The following MYO1E variants were observed in gnomAD, a reference collection of about 807,000 sequenced individuals.
MYO1E encodes unconventional myosin-Ie.
In MYO1E, 68 loss-of-function variants were observed where a neutral mutation model predicts 151.1. That is an observed-to-expected ratio of 0.45 (90% CI 0.37 to 0.55). The LOEUF (loss-of-function observed/expected upper bound fraction) is 0.55. MYO1E is among the 20% of genes least tolerant of loss of function. The probability of loss-of-function intolerance (pLI) is 0.00; values close to 1 mark genes in which losing one functional copy is unlikely to be tolerated. For synonymous variants in MYO1E, 601 were observed against 501.7 expected, an observed-to-expected ratio of 1.20 and a Z score of -2.64; for missense variants, 1,363 against 1,389.3, an observed-to-expected ratio of 0.98 and a Z score of 0.30.
At chr15:59,285,921 G>A (rs1043611875) in intron 1 of MYO1E, among the ~76,000 whole-genome samples, 1 of 152,188 alleles carries the variant, frequency 6.6e-6, no homozygotes, top group Non-Finnish European at 1.5e-5. Flanking sequence ...CTAATTTGTG[G>A]TTTGAAAATG....
intron 22 of MYO1E, among the ~76,000 whole-genome samples, chr15:59,170,987 C>G (rs2079589934): frequency 6.6e-6 from 1 of 152,142 alleles, no homozygotes; most frequent in African/African-American, 2.4e-5. Context: ...ATGCAAAGGC[C>G]CAAAGCTTTT....
chr15:59,287,376 A>G (rs1383967278), intron 1 of MYO1E, among the ~76,000 whole-genome samples: 2 of 152,222 alleles, frequency 1.3e-5, no homozygotes, highest in Non-Finnish European at 2.9e-5. Flanking sequence ...GGCTACCTGC[A>G]GTTGCTGCCA....
chr15:59,217,566 C>A (rs187318230), intron 10 of MYO1E, among the ~76,000 whole-genome samples: 3 of 112,594 alleles, frequency 2.7e-5, no homozygotes, highest in Non-Finnish European at 3.4e-5. Flanking sequence ...CACTCTAACC[C>A]CCAGGCTGGA....
chr15:59,255,368 C>G (rs115368678), intron 4 of MYO1E, among the ~76,000 whole-genome samples: 1,572 of 152,070 alleles, frequency 0.01, 33 homozygotes, highest in African/African-American at 0.036. Flanking sequence ...GTGAGCCACC[C>G]CAACTGGAGT....
At chr15:59,295,244 G>A (rs1289871560) in intron 1 of MYO1E, among the ~76,000 whole-genome samples, 1 of 152,058 alleles carries the variant, frequency 6.6e-6, no homozygotes, top group Non-Finnish European at 1.5e-5. Context: ...ACTGAATTGG[G>A]AGAGAGGAGG....
intron 1 of MYO1E, among the ~76,000 whole-genome samples, chr15:59,370,424 T>C (rs1183526309): frequency 6.6e-6 from 1 of 152,230 alleles, no homozygotes; most frequent in Non-Finnish European, 1.5e-5. Context: ...ATCCAGTAGA[T>C]CTATCAATGG....
At chr15:59,138,148 G>GACT (rs776859136) in intron 27 of MYO1E, 50 bp downstream of exon 27, 2 of 1,592,898 alleles carry the variant, frequency 1.3e-6, no homozygotes, top group Non-Finnish European at 1.7e-6. Context: ...ACAGCAATGT[G>GACT]ACTGCATGCT....
chr15:59,256,421 T>A, intron 3 of MYO1E, 43 bp from the exon 4 acceptor site: 1 of 1,207,246 alleles, frequency 8.3e-7, no homozygotes, highest in Admixed American at 2.4e-5. Flanking sequence ...ATAATAAAAA[T>A]TTAAAAATAA....
In MYO1E at chr15:59,159,327, C is replaced by T. The variant is rs147700667; in HGVS notation, c.2786-948G>A. Reference sequence around the variant, plus strand: ...ATTGGGCAATTTCCCCTCGGGGGCCCGCCGCACAAACATAGCCTGCTGGTT... The same window carrying T: ...ATTGGGCAATTTCCCCTCGGGGGCCTGCCGCACAAACATAGCCTGCTGGTT... On this transcript the variant is annotated intron_variant, in intron 24 of 27. Transcript: ENST00000288235. This position sits in a 1 kb window ranked among gnomAD's most constrained non-coding sequence, Gnocchi z 4.4. Among the ~76,000 whole-genome samples, 944 of 152,338 alleles carry T rather than the reference C, an allele frequency of 6.2e-3. 7 individuals carry two copies. The highest frequency in any genetic ancestry group is 9.6e-3 in the Non-Finnish European group (656 of 68,028).
At chr15:59,275,755 G>A (rs62002723) in intron 1 of MYO1E, among the ~76,000 whole-genome samples, 2,268 of 152,310 alleles carry the variant, frequency 0.015, 30 homozygotes, top group Non-Finnish European at 0.024. Context: ...TGAAAGCTGG[G>A]AAGCTTTAGC....
intron 2 of MYO1E, 95 bp downstream of exon 2, chr15:59,272,211 C>T (rs1433033571): frequency 4.3e-5 from 62 of 1,431,870 alleles, no homozygotes; most frequent in Non-Finnish European, 5.8e-5. Flanking sequence ...GCTGGGATTA[C>T]ACACGTGAGC....
intron 4 of MYO1E, among the ~76,000 whole-genome samples, chr15:59,252,194 G>A (rs529879459): frequency 1.3e-5 from 2 of 152,156 alleles, no homozygotes; most frequent in East Asian, 3.9e-4. Flanking sequence ...CCCTAGCTTT[G>A]TACTTTTAAA....
At chr15:59,250,182 C>T (rs914294495) in intron 4 of MYO1E, among the ~76,000 whole-genome samples, 14 of 152,164 alleles carry the variant, frequency 9.2e-5, no homozygotes, top group African/African-American at 3.4e-4. Context: ...AAGAGGAGTG[C>T]TTTTCCTTTC....
chr15:59,345,326 A>T (rs1427592007), intron 1 of MYO1E, among the ~76,000 whole-genome samples: 1 of 151,974 alleles, frequency 6.6e-6, no homozygotes, highest in Admixed American at 6.6e-5. Flanking sequence ...AGGTATCAGG[A>T]CTGAGAGTTT....
intron 19 of MYO1E, among the ~76,000 whole-genome samples, chr15:59,177,396 AGAG>A (rs761217337): frequency 4.6e-5 from 7 of 152,328 alleles, no homozygotes; most frequent in East Asian, 3.9e-4. Context: ...GGCCCACCTT[AGAG>A]GAGAAGAAAA....
chr15:59,322,002 C>A (rs1419815981), intron 1 of MYO1E, among the ~76,000 whole-genome samples: 2 of 152,048 alleles, frequency 1.3e-5, no homozygotes, highest in Admixed American at 6.6e-5. Context: ...GGCAAAACCC[C>A]AACTTTACAA....
intron 1 of MYO1E, among the ~76,000 whole-genome samples, chr15:59,354,516 G>C (rs1317651109): frequency 6.6e-6 from 1 of 152,090 alleles, no homozygotes; most frequent in Non-Finnish European, 1.5e-5. Flanking sequence ...CACAGGCCTG[G>C]GTGTCCTCAG....
intron 1 of MYO1E, among the ~76,000 whole-genome samples, chr15:59,330,932 G>C (rs1443716906): frequency 6.6e-6 from 1 of 152,064 alleles, no homozygotes; most frequent in African/African-American, 2.4e-5. Flanking sequence ...ATCACGCCCA[G>C]CTAACTTTTT....
chr15:59,247,809 T>C (rs2080139159), intron 4 of MYO1E, among the ~76,000 whole-genome samples: 3 of 152,170 alleles, frequency 2.0e-5, no homozygotes, highest in Admixed American at 6.6e-5. Flanking sequence ...TCAGAAATAC[T>C]TATCCCTAGA....
Sources: allele counts gnomAD v4.1 joint callset (sites outside exome capture counted in the v4.1 genomes callset), GRCh38; gene constraint gnomAD v4.1.1; non-coding constraint Gnocchi (gnomAD v3.1); transcripts MANE v1.5; gene names NCBI Gene and HGNC (gene_info 2026-07-23, HGNC 2026-07-21).